PLEKHA1: variants seen among roughly 807,000 people sequenced by gnomAD.
The protein encoded by PLEKHA1 is pleckstrin homology domain-containing family A member 1.
PLEKHA1 carries 34 observed loss-of-function variants against 52.0 expected under a neutral mutation model. That is an observed-to-expected ratio of 0.65 (90% CI 0.50 to 0.87). PLEKHA1 has a LOEUF of 0.87. Ranked by LOEUF, PLEKHA1 falls within the 40% of genes least tolerant of loss-of-function variation. The probability of loss-of-function intolerance (pLI) is 0.00; values close to 1 mark genes in which losing one functional copy is unlikely to be tolerated. For synonymous variants in PLEKHA1, 163 were observed against 170.7 expected (o/e 0.95, Z 0.35); for missense variants, 497 against 504.2 (o/e 0.99, Z 0.14).
At chr10:122,386,381 G>GT (rs1382473131) in intron 1 of PLEKHA1, among the ~76,000 whole-genome samples, 2 of 151,578 alleles carry the variant, frequency 1.3e-5, no homozygotes, top group African/African-American at 4.8e-5. Flanking sequence ...CTGTTCTAGG[G>GT]TATCATTTGC....
chr10:122,426,385 G>A (rs2097339695), intron 10 of PLEKHA1, among the ~76,000 whole-genome samples: 1 of 151,636 alleles, frequency 6.6e-6, no homozygotes, highest in Non-Finnish European at 1.5e-5. Context: ...AAGTGTAAGG[G>A]ATTCTAGAAT....
the PLEKHA1 span, chr10:122,441,529 G>A: frequency 1.7e-4 from 26 of 152,158 alleles, no homozygotes; most frequent in Non-Finnish European, 2.9e-4. Flanking sequence ...TTACATGTAA[G>A]GAATTAACTT....
the PLEKHA1 span, chr10:122,441,774 T>G: frequency 3.3e-5 from 5 of 152,200 alleles, no homozygotes; most frequent in African/African-American, 1.2e-4. Context: ...AGAAAGGTGG[T>G]TACCACATAT....
intron 8 of PLEKHA1, chr10:122,421,920 A>G (rs1156290140): frequency 7.4e-6 from 1 of 135,698 alleles, no homozygotes; most frequent in Non-Finnish European, 1.6e-5. Flanking sequence ...ACCCTTGGTG[A>G]TGTGACTGAT....
chr10:122,433,903 T>C (rs1222827247), downstream of PLEKHA1: 1 of 152,232 alleles, frequency 6.6e-6, no homozygotes, highest in African/African-American at 2.4e-5. Flanking sequence ...AGAACTTATC[T>C]AGGTTTAGCA....
At chr10:122,433,196 C>T (rs554700364), downstream of PLEKHA1, 3 of 152,338 alleles carry the variant, frequency 2.0e-5, no homozygotes, top group East Asian at 5.8e-4. Context: ...TACCCTATTC[C>T]TGTCATTGTG....
chr10:122,406,617 G>T lies in PLEKHA1; in HGVS notation c.286G>T (p.Asp96Tyr). 6.2e-7 allele frequency: 1 copy of T among 1,613,448 alleles called. No individual in the cohort carries two copies. The highest frequency in any genetic ancestry group is 8.5e-7 in the Non-Finnish European group (1 of 1,179,436). Residue 96 changes from aspartate (D) to tyrosine (Y), a missense_variant, in exon 5 of 12, where the codon GAT becomes TAT. Physicochemically the swap from Asp to Tyr is radical, Grantham distance 160. Transcript: ENST00000368990. ...GAGGAAGTACTTCCTACAAGCCAAT[G>T]ATCAGCAGGACCTAGTGGAATGGGT... ...GMRKYFLQAN[D>Y]QQDLVEWVNV...
At chr10:122,419,765 T>G (rs1307662991) in intron 8 of PLEKHA1, 10 of 152,170 alleles carry the variant, frequency 6.6e-5, no homozygotes, top group Non-Finnish European at 1.5e-4. Context: ...TAACTATACT[T>G]AAGTTTTCCT....
chr10:122,439,618 G>C, the PLEKHA1 span: 1 of 152,280 alleles, frequency 6.6e-6, no homozygotes, highest in African/African-American at 2.4e-5. Flanking sequence ...GCAGGTGCCT[G>C]TAATCCCAGC....
chr10:122,382,551 T>C (rs951325060), intron 1 of PLEKHA1, among the ~76,000 whole-genome samples: 26 of 152,210 alleles, frequency 1.7e-4, no homozygotes, highest in African/African-American at 6.3e-4. Flanking sequence ...AATATTCTGT[T>C]TCCTAACAGC....
chr10:122,432,352 CTTAT>C (rs1312677900), downstream of PLEKHA1: 1 of 152,016 alleles, frequency 6.6e-6, no homozygotes, highest in Non-Finnish European at 1.5e-5. Flanking sequence ...TTTATTCTGA[CTTAT>C]TTCTCATTTT....
intron 8 of PLEKHA1, chr10:122,423,240 A>G (rs1319496723): frequency 6.6e-6 from 1 of 151,578 alleles, no homozygotes; most frequent in Non-Finnish European, 1.5e-5. Context: ...CCTAGCCAAC[A>G]TGGTAAAACC....
intron 4 of PLEKHA1, among the ~76,000 whole-genome samples, chr10:122,401,615 A>C (rs561391482): frequency 6.6e-5 from 10 of 152,324 alleles, no homozygotes; most frequent in African/African-American, 2.4e-4. Context: ...GGGAACTTCC[A>C]AATGGAAATG....
At chr10:122,391,527 C>T (rs2096775399) in intron 1 of PLEKHA1, among the ~76,000 whole-genome samples, 1 of 152,010 alleles carries the variant, frequency 6.6e-6, no homozygotes, top group Admixed American at 6.5e-5. Flanking sequence ...CTTTTTTCCC[C>T]CACATTGAAT....
chr10:122,379,529 G>T (rs2096585867), intron 1 of PLEKHA1, among the ~76,000 whole-genome samples: 1 of 151,808 alleles, frequency 6.6e-6, no homozygotes, highest in African/African-American at 2.4e-5. Flanking sequence ...AGTGATTTCT[G>T]TTAGAGGCCC....
At chr10:122,417,669 A>G (rs956840451) in intron 7 of PLEKHA1, among the ~76,000 whole-genome samples, 6 of 151,514 alleles carry the variant, frequency 4.0e-5, no homozygotes, top group Admixed American at 1.3e-4. Context: ...AAAAACACAT[A>G]AAATCATACA....
intron 1 of PLEKHA1, among the ~76,000 whole-genome samples, chr10:122,376,523 TA>T (rs1343411764): frequency 8.0e-6 from 1 of 124,712 alleles, no homozygotes; most frequent in African/African-American, 2.9e-5. Context: ...TATATATATA[TA>T]TATATATATA....
At chr10:122,428,405 C>A (rs544465860) in intron 11 of PLEKHA1, 7 of 1,488,176 alleles carry the variant, frequency 4.7e-6, no homozygotes, top group Non-Finnish European at 6.3e-6. Flanking sequence ...TTACTACTTA[C>A]AACTGATCAT....
At chr10:122,402,312 T>G (rs1209639949) in intron 4 of PLEKHA1, among the ~76,000 whole-genome samples, 2 of 152,176 alleles carry the variant, frequency 1.3e-5, no homozygotes, top group Non-Finnish European at 2.9e-5. Context: ...GGAGTAAAGA[T>G]TCATGAAATG....
Sources: allele counts gnomAD v4.1 joint callset (sites outside exome capture counted in the v4.1 genomes callset), GRCh38; gene constraint gnomAD v4.1.1; transcripts MANE v1.5; gene names NCBI Gene and HGNC (gene_info 2026-07-23, HGNC 2026-07-21).